Variants in LRMDA observed in about 807,000 individuals in gnomAD.
LRMDA encodes leucine-rich melanocyte differentiation-associated protein.
In LRMDA, 18 loss-of-function variants were observed where a neutral mutation model predicts 29.8. The observed-to-expected ratio is 0.60, with a 90% CI of 0.42 to 0.90. The LOEUF is 0.90. Among genes scored for constraint, LRMDA ranks in the 40% least tolerant of loss-of-function variants. LRMDA has a pLI of 0.00. For synonymous variants in LRMDA, 125 were observed against 109.4 expected (o/e 1.14, Z -0.89); for missense variants, 273 against 273.9 (o/e 1.00, Z 0.02).
chr10:76,510,852 A>C (rs1589219984), intron 6 of LRMDA, among the ~76,000 whole-genome samples: 1 of 152,288 alleles, frequency 6.6e-6, no homozygotes, highest in East Asian at 1.9e-4. Flanking sequence ...TTCACAGCTC[A>C]TATGCTGCAC....
At chr10:76,251,833 T>C (rs182400738) in intron 5 of LRMDA, among the ~76,000 whole-genome samples, 6 of 152,290 alleles carry the variant, frequency 3.9e-5, no homozygotes, top group Admixed American at 3.9e-4. Flanking sequence ...TTGAAAAGTT[T>C]ACAAATCCTG....
At chr10:75,810,863 A>C (rs190097399) in intron 2 of LRMDA, among the ~76,000 whole-genome samples, 8 of 152,374 alleles carry the variant, frequency 5.3e-5, no homozygotes, top group Non-Finnish European at 1.0e-4. Flanking sequence ...ACACCTTATC[A>C]GGGTTACCCT....
intron 2 of LRMDA, among the ~76,000 whole-genome samples, chr10:75,772,877 G>C (rs1332188550): frequency 1.6e-5 from 2 of 125,156 alleles, no homozygotes; most frequent in Admixed American, 8.6e-5. Flanking sequence ...GATGGGGGGG[G>C]GCAGATTAAT....
intron 6 of LRMDA, among the ~76,000 whole-genome samples, chr10:76,429,268 T>A (rs1419894031): frequency 6.6e-6 from 1 of 152,194 alleles, no homozygotes; most frequent in Non-Finnish European, 1.5e-5. Context: ...ATGCGAATAA[T>A]GTGTACTGAG....
chr10:76,245,207 C>T (rs960811303), intron 5 of LRMDA, among the ~76,000 whole-genome samples: 4 of 152,106 alleles, frequency 2.6e-5, no homozygotes, highest in Admixed American at 2.6e-4. Flanking sequence ...TCATCCAGGG[C>T]TTCATCCGTC....
intron 2 of LRMDA, among the ~76,000 whole-genome samples, chr10:75,483,867 G>GTTTTTGT (rs1554893492): frequency 2.5e-5 from 3 of 119,150 alleles, no homozygotes; most frequent in East Asian, 4.9e-4. Context: ...GTATGGAGAG[G>GTTTTTGT]TTTTTTTTTT....
intron 2 of LRMDA, among the ~76,000 whole-genome samples, chr10:75,484,189 C>G (rs1327007656): frequency 6.6e-6 from 1 of 152,168 alleles, no homozygotes. Flanking sequence ...CTCCTGGGCT[C>G]AAGCAGTCTT....
chr10:76,186,332 G>A (rs976210510), intron 5 of LRMDA, among the ~76,000 whole-genome samples: 7 of 152,222 alleles, frequency 4.6e-5, no homozygotes, highest in Admixed American at 4.6e-4. Flanking sequence ...AGGCAGAGGG[G>A]TAACATTAAA....
intron 2 of LRMDA, among the ~76,000 whole-genome samples, chr10:75,806,612 A>G (rs1282725657): frequency 6.6e-6 from 1 of 151,722 alleles, no homozygotes; most frequent in African/African-American, 2.4e-5. Context: ...ATCGGGATAA[A>G]GTTGATCATC....
intron 2 of LRMDA, among the ~76,000 whole-genome samples, chr10:75,997,456 GACAT>G (rs932603712): frequency 1.3e-5 from 2 of 149,804 alleles, no homozygotes; most frequent in Non-Finnish European, 3.0e-5. Flanking sequence ...TATGTTCCAG[GACAT>G]ACATCTATTT....
At chr10:76,123,141 G>C (rs1223048847) in intron 5 of LRMDA, among the ~76,000 whole-genome samples, 1 of 152,072 alleles carries the variant, frequency 6.6e-6, no homozygotes, top group East Asian at 1.9e-4. Flanking sequence ...CCTCAGACTT[G>C]GGATCCACGT....
chr10:76,318,358 A>T (rs934312467), intron 5 of LRMDA: 1 of 152,224 alleles, frequency 6.6e-6, no homozygotes, highest in Non-Finnish European at 1.5e-5. Context: ...GCACTGGCAG[A>T]ACTGGGCCCC....
At chr10:75,443,543 C>T (rs1332161809) in intron 2 of LRMDA, among the ~76,000 whole-genome samples, 1 of 152,180 alleles carries the variant, frequency 6.6e-6, no homozygotes, top group East Asian at 1.9e-4. Flanking sequence ...TCCTTGCATT[C>T]CAGGGATAAA....
At chr10:75,938,943 G>C (rs1293983723) in intron 2 of LRMDA, among the ~76,000 whole-genome samples, 1 of 152,194 alleles carries the variant, frequency 6.6e-6, no homozygotes, top group African/African-American at 2.4e-5. Flanking sequence ...GTGCCCAGAG[G>C]CGAGGAGGGA....
intron 5 of LRMDA, among the ~76,000 whole-genome samples, chr10:76,316,805 T>C (rs1042851510): frequency 1.3e-5 from 2 of 152,248 alleles, no homozygotes; most frequent in Admixed American, 6.5e-5. Flanking sequence ...AGCAGCAAAC[T>C]ATTAATTTGT....
chr10:76,295,088 G>A (rs1029909252), intron 5 of LRMDA, among the ~76,000 whole-genome samples: 1 of 152,226 alleles, frequency 6.6e-6, no homozygotes, highest in African/African-American at 2.4e-5. Context: ...TCAAATAGTT[G>A]AAACATTATT....
chr10:75,980,669 A>G (rs773164631), intron 2 of LRMDA, among the ~76,000 whole-genome samples: 2 of 152,208 alleles, frequency 1.3e-5, no homozygotes, highest in Non-Finnish European at 2.9e-5. Context: ...TGGAGGCTCA[A>G]TGTGTTACTC....
At chr10:75,747,229 A>C (rs1444659907) in intron 2 of LRMDA, among the ~76,000 whole-genome samples, 1 of 152,166 alleles carries the variant, frequency 6.6e-6, no homozygotes, top group African/African-American at 2.4e-5. Context: ...GTTTAGAAAA[A>C]ATAATTAGAT....
intron 6 of LRMDA, among the ~76,000 whole-genome samples, chr10:76,337,282 A>C (rs1013505031): frequency 1.3e-5 from 2 of 152,182 alleles, no homozygotes; most frequent in African/African-American, 4.8e-5. Context: ...TGTTCTAGTC[A>C]GAGAGAGGAT....
Sources: gnomAD v4.1 joint callset for allele counts (sites outside exome capture counted in the v4.1 genomes callset) on GRCh38, gnomAD v4.1.1 for gene constraint, MANE v1.5 for transcripts, NCBI Gene and HGNC (gene_info 2026-07-23, HGNC 2026-07-21) for gene names.